The following VAV1 variants were observed in gnomAD, a reference collection of about 807,000 sequenced individuals.
VAV1 encodes proto-oncogene vav.
A neutral mutation model predicts 128.1 loss-of-function variants in VAV1; 33 were observed. The ratio of observed to expected loss-of-function variants is 0.26; its 90% CI spans 0.20 to 0.34. VAV1 has a LOEUF of 0.34. VAV1 is among the 10% of genes least tolerant of loss of function. The pLI is 1.00. For synonymous variants in VAV1, 394 were observed against 409.8 expected, an observed-to-expected ratio of 0.96 and a Z score of 0.47; for missense variants, 715 against 1,093.7, an observed-to-expected ratio of 0.65 and a Z score of 4.88.
chr19:6,842,114 T>G (rs909691883), intron 21 of VAV1, among the ~76,000 whole-genome samples: 1 of 151,936 alleles, frequency 6.6e-6, no homozygotes, highest in East Asian at 1.9e-4. Flanking sequence ...TAATCCCAGC[T>G]ACCTGTAATC....
chr19:6,818,984 C>T (rs7253176), intron 1 of VAV1, among the ~76,000 whole-genome samples: 2,296 of 152,048 alleles, frequency 0.015, 70 homozygotes, highest in African/African-American at 0.053. Flanking sequence ...GGTGTGATGG[C>T]GGGTGCTTGT....
intron 14 of VAV1, among the ~76,000 whole-genome samples, chr19:6,831,686 C>T (rs892317554): frequency 4.6e-5 from 7 of 152,176 alleles, no homozygotes; most frequent in East Asian, 1.9e-4. Context: ...TTACAGCATC[C>T]GTCTCTCCTA....
intron 21 of VAV1, among the ~76,000 whole-genome samples, chr19:6,842,843 G>GA (rs1428738179): frequency 2.6e-5 from 4 of 151,906 alleles, no homozygotes; most frequent in Non-Finnish European, 5.9e-5. Flanking sequence ...CTAAAAAAAA[G>GA]AAAAAATTCT....
intron 21 of VAV1, among the ~76,000 whole-genome samples, chr19:6,840,304 T>C (rs1429797862): frequency 0.018 from 335 of 18,524 alleles, 1 homozygote; most frequent in Middle Eastern, 0.15. Context: ...ATTTTCTTTC[T>C]TTTTTTTTTT....
intron 1 of VAV1, among the ~76,000 whole-genome samples, chr19:6,774,154 G>A (rs1170815289): frequency 3.9e-5 from 6 of 152,072 alleles, no homozygotes; most frequent in Non-Finnish European, 7.4e-5. Context: ...TTGAGACGGA[G>A]TCTCACTCTG....
chr19:6,855,831 ATC>A (rs1568322148), intron 26 of VAV1, among the ~76,000 whole-genome samples: 1 of 151,728 alleles, frequency 6.6e-6, no homozygotes, highest in African/African-American at 2.4e-5. Context: ...CTATCTATCT[ATC>A]TATCTATCTA....
chr19:6,818,374 C>T (rs1364701777), intron 1 of VAV1, among the ~76,000 whole-genome samples: 1 of 152,176 alleles, frequency 6.6e-6, no homozygotes, highest in Middle Eastern at 3.2e-3. Context: ...AATTTATCTT[C>T]TCACAATAAA....
chr19:6,850,752 C>T lies in VAV1; in HGVS notation c.2212C>T (p.Leu738Phe). ...CACAGAGAAAAAGGCTTTCCGGGGG[C>T]TTACGGTAAGGGTCAATGTCCGCTC... ...RITEKKAFRG[L>F]TELVEFYQQN... The change falls in exon 24 of 27, where the codon CTT becomes TTT. Residue 738 changes from leucine to phenylalanine, a missense_variant. Leu to Phe is a conservative substitution (Grantham distance 22, BLOSUM62 0). Around this residue, in one of 3 missense-constraint regions of VAV1, gnomAD observed 407 missense variants for 580.6 expected, o/e 0.70. Coordinates refer to ENST00000602142, the MANE Select transcript of VAV1 (RefSeq NM_005428.4). 1 of 1,613,988 alleles carries T rather than the reference C, an allele frequency of 6.2e-7. No individual in the cohort carries two copies. Among genetic ancestry groups the T allele is most frequent in the East Asian group, 2.2e-5 (1 of 44,860 alleles).
chr19:6,801,976 GAGGA>G (rs1971282605), intron 1 of VAV1, among the ~76,000 whole-genome samples: 2 of 152,150 alleles, frequency 1.3e-5, no homozygotes, highest in African/African-American at 4.8e-5. Context: ...CCTCTTCCTG[GAGGA>G]AGGAAGAGGG....
chr19:6,801,906 C>A (rs1480661358), intron 1 of VAV1, among the ~76,000 whole-genome samples: 1 of 152,130 alleles, frequency 6.6e-6, no homozygotes, highest in Non-Finnish European at 1.5e-5. Context: ...TCAGGGTTCA[C>A]CGCAGTGCGC....
chr19:6,780,238 C>G lies in VAV1; in HGVS notation c.204+7227C>G, dbSNP rs770637142. 3.0e-4 allele frequency among the ~76,000 whole-genome samples: 45 copies of G among 150,312 alleles called. 2 individuals carry two copies. Among genetic ancestry groups the G allele is most frequent in the South Asian group, 8.6e-4 (4 of 4,666 alleles). ...AGTAAACCTCTCTGTTTCCTGGTTTCTCATCTGTAAAATGAGGATGCTAAA... is the reference window on the plus strand; with the variant it reads ...AGTAAACCTCTCTGTTTCCTGGTTTGTCATCTGTAAAATGAGGATGCTAAA... On this transcript the variant is annotated intron_variant, in intron 1 of 26. Coordinates refer to ENST00000602142, the MANE Select transcript of VAV1 (RefSeq NM_005428.4).
In VAV1 at chr19:6,836,316, CA is replaced by C. The variant is rs1286909669; in HGVS notation, c.1778-114del. Reference sequence around the variant, plus strand: ...AATTCCAGTTTCTCCACGTCCTTGTCAACACTTAGTATTGCCAGTCTAAAAA... The same window carrying C: ...AATTCCAGTTTCTCCACGTCCTTGTCACACTTAGTATTGCCAGTCTAAAAA... On this transcript the variant is annotated intron_variant, in intron 19 of 26. Coordinates refer to ENST00000602142, the MANE Select transcript of VAV1 (RefSeq NM_005428.4). 13 of 1,326,138 alleles carry C rather than the reference CA, an allele frequency of 9.8e-6. No homozygotes were observed. In the African/African-American group the frequency reaches 1.9e-4, roughly 20 times the overall value. 82.1% of individuals were successfully genotyped at this position (1,326,138 alleles called of 1,614,324 possible).
chr19:6,814,667 C>CTTTCTTTCTTTCTTTCTTT (rs1568299138), intron 1 of VAV1, among the ~76,000 whole-genome samples: 103 of 25,032 alleles, frequency 4.1e-3, no homozygotes, highest in East Asian at 0.01. Context: ...TTCCTTCCTT[C>CTTTCTTTCTTTCTTTCTTT]CTTCCTTTCT....
At chr19:6,835,857 TTTG>T (rs966798287) in intron 19 of VAV1, 3 of 152,166 alleles carry the variant, frequency 2.0e-5, no homozygotes, top group South Asian at 2.1e-4. Flanking sequence ...GGACTTTTTT[TTTG>T]TTTTTTGTTT....
Position 6,854,069 on chromosome 19 carries a change from G to A in VAV1, c.2455G>A (p.Gly819Ser), listed in dbSNP as rs779669403. Residue 819 changes from glycine (G) to serine (S), a missense_variant, in exon 26 of 27, where the codon GGC becomes AGC. Gly to Ser is a moderately conservative substitution (Grantham distance 56). This residue lies in a region of VAV1 where 407 missense variants were observed against 580.6 expected (regional missense o/e 0.70). Transcript: ENST00000602142. ...GATCCTTAACAAGAAGGGACAGCAA[G>A]GCTGGTGGCGAGGGGAGATCTATGG... ...IKILNKKGQQ[G>S]WWRGEIYGRV... 48 of 1,613,570 alleles carry A rather than the reference G, an allele frequency of 3.0e-5. No individual in the cohort carries two copies. The highest frequency in any genetic ancestry group is 8.3e-5 in the Admixed American group (5 of 60,012).
intron 1 of VAV1, among the ~76,000 whole-genome samples, chr19:6,799,694 T>G (rs1030190918): frequency 9.9e-5 from 15 of 151,742 alleles, no homozygotes; most frequent in Non-Finnish European, 2.2e-4. Context: ...TGAATCAAGT[T>G]GCTAGCTGGA....
At chr19:6,843,053 G>T in intron 21 of VAV1, 82 bp from the exon 22 acceptor site, 1 of 1,419,314 alleles carries the variant, frequency 7.0e-7, no homozygotes. Flanking sequence ...ATGAGTGAAT[G>T]AATGAATGAA....
chr19:6,819,822 A>T (rs2144766317), intron 1 of VAV1, among the ~76,000 whole-genome samples: 1 of 152,256 alleles, frequency 6.6e-6, no homozygotes, highest in South Asian at 2.1e-4. Context: ...ACCTGTTGGG[A>T]CGTTGGATGA....
At chr19:6,776,914 C>T (rs141747401) in intron 1 of VAV1, among the ~76,000 whole-genome samples, 1,543 of 152,154 alleles carry the variant, frequency 0.01, 31 homozygotes, top group African/African-American at 0.034. Flanking sequence ...CCCGCCACCA[C>T]GCCCGGCTAA....
Sources: allele counts gnomAD v4.1 joint callset (sites outside exome capture counted in the v4.1 genomes callset), GRCh38; gene constraint gnomAD v4.1.1; regional missense constraint gnomAD v4.1.1; transcripts MANE v1.5; gene names NCBI Gene and HGNC (gene_info 2026-07-23, HGNC 2026-07-21).